ARHGEF19: variants seen among roughly 807,000 people sequenced by gnomAD.
ARHGEF19 encodes Rho guanine nucleotide exchange factor (GEF) 19.
ARHGEF19 carries 92 observed loss-of-function variants against 87.6 expected under a neutral mutation model. The ratio of observed to expected loss-of-function variants is 1.05; its 90% CI spans 0.89 to 1.25. ARHGEF19 has a LOEUF of 1.25. ARHGEF19 is among the 50% of genes most tolerant of loss of function. The probability of loss-of-function intolerance (pLI) is 0.00; values close to 1 mark genes in which losing one functional copy is unlikely to be tolerated. For missense variants in ARHGEF19, 1,054 were observed against 1,051.8 expected (o/e 1.00, Z -0.03); for synonymous variants, 438 against 446.2 (o/e 0.98, Z 0.23).
Position 16,207,743 on chromosome 1 carries a change from C to A in ARHGEF19, c.729G>T (p.Glu243Asp). 1 of 1,614,004 alleles carries A rather than the reference C, an allele frequency of 6.2e-7. No individual in the cohort carries two copies. Among genetic ancestry groups the A allele is most frequent in the Non-Finnish European group, 8.5e-7 (1 of 1,180,024 alleles). The change falls in exon 4 of 16, where the codon GAG (glutamate) becomes GAT (aspartate). Residue 243 changes from glutamate to aspartate, a missense_variant. Transcript: ENST00000270747. The surrounding 1 kb of genome is among the most constrained non-coding windows in gnomAD (Gnocchi z 4.0). Reference protein sequence around the residue: ...KASGMEARSVEMSGDRVSRPA... With the variant: ...KASGMEARSVDMSGDRVSRPA... ...GCCGCGACACCCGGTCCCCGCTCATCTCTACACTTCGAGCCTCCATTCCAG... is the reference window on the plus strand; with the variant it reads ...GCCGCGACACCCGGTCCCCGCTCATATCTACACTTCGAGCCTCCATTCCAG...
chr1:16,203,812 C>T (rs1557539149), intron 12 of ARHGEF19, among the ~76,000 whole-genome samples: 1 of 152,186 alleles, frequency 6.6e-6, no homozygotes, highest in Non-Finnish European at 1.5e-5. Flanking sequence ...TTGATTCTCA[C>T]TCCACACCAG....
Position 16,206,413 on chromosome 1 carries a change from G to A in ARHGEF19, c.1138-73C>T. 1.3e-6 allele frequency: 2 copies of A among 1,504,392 alleles called. No homozygotes were observed. The highest frequency in any genetic ancestry group is 1.8e-6 in the Non-Finnish European group (2 of 1,104,806). The allele number at this position is 1,504,392 out of a possible 1,614,324, so 93.2% of individuals were successfully genotyped here. ...CGGAGGCCCTGGCCTCACATCCCCA[G>A]ACCCCAGGACGCCACACCTCGCGTC... On this transcript the variant is annotated intron_variant, in intron 6 of 15. Transcript: ENST00000270747. This position sits in a 1 kb window ranked among gnomAD's most constrained non-coding sequence, Gnocchi z 4.6.
chr1:16,207,893 A>ACCCCCCCC lies in ARHGEF19; in HGVS notation c.694+50_694+51insGGGGGGGG. The ACCCCCCCC allele has an allele frequency of 1.7e-5, 11 of 662,820 alleles. No individual in the cohort carries two copies. Among genetic ancestry groups the ACCCCCCCC allele is most frequent in the South Asian group, 2.3e-5 (1 of 43,972 alleles). 41.1% of individuals were successfully genotyped at this position (662,820 alleles called of 1,614,324 possible). On this transcript the variant is annotated intron_variant, in intron 3 of 15. Coordinates refer to ENST00000270747, the MANE Select transcript of ARHGEF19 (RefSeq NM_153213.5). The surrounding 1 kb of genome is among the most constrained non-coding windows in gnomAD (Gnocchi z 4.0). ...CGGTGAGTGGGCATCGCCCACCCCC[A>ACCCCCCCC]CCCCCACCCGGCATCTGGCTGCCCT... is the stretch of plus-strand genomic sequence containing the variant.
At position 16,202,479 on chromosome 1, in the gene ARHGEF19, A is replaced by G; in HGVS notation, c.2003T>C (p.Phe668Ser). Residue 668 changes from phenylalanine to serine, a missense_variant, in exon 13 of 16, where the codon TTC becomes TCC. Coordinates refer to ENST00000270747, the MANE Select transcript of ARHGEF19 (RefSeq NM_153213.5). ...LKLQGIPGHV[F>S]LLQLLHGQHM... ...CTGCCCGTGGAGGAGCTGGAGGAGGAACACGTGGCCGGGGATGCCCTGCAG... is the reference window on the plus strand; with the variant it reads ...CTGCCCGTGGAGGAGCTGGAGGAGGGACACGTGGCCGGGGATGCCCTGCAG... 1 of 1,614,180 alleles carries G rather than the reference A, an allele frequency of 6.2e-7. No homozygotes were observed. The highest frequency in any genetic ancestry group is 8.5e-7 in the Non-Finnish European group (1 of 1,180,038).
intron 12 of ARHGEF19, among the ~76,000 whole-genome samples, chr1:16,202,837 T>C (rs1338669687): frequency 6.6e-6 from 1 of 152,118 alleles, no homozygotes; most frequent in Non-Finnish European, 1.5e-5. Context: ...CCTTTCTCTC[T>C]CTCTTTTTTT....
chr1:16,206,908 C>T lies in ARHGEF19; in HGVS notation c.1137+40G>A, dbSNP rs1569712382. On this transcript the variant is annotated intron_variant, in intron 6 of 15. Coordinates refer to ENST00000270747, the MANE Select transcript of ARHGEF19 (RefSeq NM_153213.5). This position sits in a 1 kb window ranked among gnomAD's most constrained non-coding sequence, Gnocchi z 4.6. ...CTAAGTCCCCGGACCGCGTACTCCC[C>T]GGCCCGCCCCCGCCCCGCCGGGTCC... 3.5e-6 allele frequency: 5 copies of T among 1,425,428 alleles called. No individual in the cohort carries two copies. Among genetic ancestry groups the T allele is most frequent in the Non-Finnish European group, 3.6e-6 (4 of 1,099,374 alleles). The allele number at this position is 1,425,428 out of a possible 1,614,324, so 88.3% of individuals were successfully genotyped here. A position where few individuals can be genotyped will look rare whatever the true frequency, so the allele number is the denominator to read the frequency against.
rs977712213 is a variant in ARHGEF19, at chr1:16,206,874, C to G, written c.1137+74G>C. Reference sequence around the variant, plus strand: ...TGTGTGTCCCCCTCCCTCTATGGCCCGGTTCCCGCTAAGTCCCCGGACCGC... The same window carrying G: ...TGTGTGTCCCCCTCCCTCTATGGCCGGGTTCCCGCTAAGTCCCCGGACCGC... On this transcript the variant is annotated intron_variant, in intron 6 of 15. Coordinates refer to ENST00000270747, the MANE Select transcript of ARHGEF19 (RefSeq NM_153213.5). This position sits in a 1 kb window ranked among gnomAD's most constrained non-coding sequence, Gnocchi z 4.6. 45 of 1,380,972 alleles carry G rather than the reference C, an allele frequency of 3.3e-5. No homozygotes were observed. The East Asian group carries it at 1.2e-3, about 36-fold the overall frequency. The allele number at this position is 1,380,972 out of a possible 1,614,324, so 85.5% of individuals were successfully genotyped here. A position where few individuals can be genotyped will look rare whatever the true frequency, so the allele number is the denominator to read the frequency against.
chr1:16,200,001 T>C (rs2100261207), intron 14 of ARHGEF19, among the ~76,000 whole-genome samples: 1 of 152,322 alleles, frequency 6.6e-6, no homozygotes, highest in Non-Finnish European at 1.5e-5. Flanking sequence ...CCAGATCTTT[T>C]CGTGACAACC....
chr1:16,206,305 G>A lies in ARHGEF19; in HGVS notation c.1173C>T (p.Tyr391=), dbSNP rs746193609. The A allele has an allele frequency of 1.3e-6, 2 of 1,583,074 alleles. No homozygotes were observed. The highest frequency in any genetic ancestry group is 4.6e-5 in the East Asian group (2 of 43,916). The change falls in exon 7 of 16, where the codon TAC becomes TAT. Residue 391 remains tyrosine (Y), a synonymous_variant. Transcript: ENST00000270747. The surrounding 1 kb of genome is among the most constrained non-coding windows in gnomAD (Gnocchi z 4.6). ...KFELITSEAS[Y]IHSLSVAVGH... ...CCACAGCCACCGACAGGCTGTGGAT[G>A]TAGGAGGCCTCGGAGGTGATCAGCT...
rs2100275089 is a variant in ARHGEF19, at chr1:16,205,419, G to A, written c.1588C>T (p.Leu530=). The part of the protein sequence containing the change: ...TRLKMLVENI[L]KRTAQGSEDE... ...TCAGAGCCCTGTGCTGTCCGCTTCA[G>A]GATGTTCTGGAAGGTGGGATCAGCA... The change falls in exon 10 of 16, where the codon CTG becomes TTG. Residue 530 remains leucine (L), a synonymous_variant. Transcript: ENST00000270747. This position sits in a 1 kb window ranked among gnomAD's most constrained non-coding sequence, Gnocchi z 5.8. 6.2e-7 allele frequency: 1 copy of A among 1,611,042 alleles called. No individual in the cohort carries two copies. The highest frequency in any genetic ancestry group is 8.5e-7 in the Non-Finnish European group (1 of 1,178,502).
Position 16,204,802 on chromosome 1 carries a change from G to A in ARHGEF19, c.1864C>T (p.Leu622Phe), listed in dbSNP as rs768101624. ...AGCAAGCAGTCATTGAAGAGGTGGA[G>A]GTAGACTGCCTTGCTGGACAGCTTC... ...KLKLSSKAVY[L>F]HLFNDCLLLS... Residue 622 changes from leucine (L) to phenylalanine (F), a missense_variant, in exon 12 of 16, where the codon CTC (leucine) becomes TTC (phenylalanine). Transcript: ENST00000270747. 1.9e-6 allele frequency: 3 copies of A among 1,613,270 alleles called. No homozygotes were observed. The highest frequency in any genetic ancestry group is 2.5e-6 in the Non-Finnish European group (3 of 1,179,488).
At position 16,205,116 on chromosome 1, in the gene ARHGEF19, G is replaced by A. The variant is rs1346072822; in HGVS notation, c.1717C>T (p.Leu573=). The A allele has an allele frequency of 1.2e-6, 2 of 1,606,264 alleles. No individual in the cohort carries two copies. The highest frequency in any genetic ancestry group is 1.3e-5 in the African/African-American group (1 of 74,818). ...SMKRTEELIH[L]SKKIHFEGKI... ...CCCTCAAAGTGGATCTTCTTGCTCA[G>A]GTGGATGAGTTCCTCTGTCCTCTTC... The change falls in exon 11 of 16, where the codon CTG becomes TTG. Residue 573 remains leucine (L), a synonymous_variant. Coordinates refer to ENST00000270747, the MANE Select transcript of ARHGEF19 (RefSeq NM_153213.5). The surrounding 1 kb of genome is among the most constrained non-coding windows in gnomAD (Gnocchi z 5.8).
At chr1:16,209,186 A>G (rs2081175545) in intron 1 of ARHGEF19, 103 bp from the exon 2 acceptor site, 1 of 729,648 alleles carries the variant, frequency 1.4e-6, no homozygotes, top group South Asian at 3.8e-5. Context: ...ACTTGTGTAC[A>G]CACATCTCCA....
chr1:16,198,643 G>A lies in ARHGEF19; in HGVS notation c.2353C>T (p.Arg785Trp), dbSNP rs757658793. The A allele has an allele frequency of 1.4e-5, 22 of 1,613,560 alleles. No individual in the cohort carries two copies. The highest frequency in any genetic ancestry group is 1.6e-4 in the Middle Eastern group (1 of 6,076). The change falls in exon 16 of 16, where the codon CGG becomes TGG. Residue 785 changes from arginine to tryptophan, a missense_variant. By Grantham distance (101) the Arg-to-Trp change is moderately radical. Coordinates refer to ENST00000270747, the MANE Select transcript of ARHGEF19 (RefSeq NM_153213.5). The surrounding 1 kb of genome is among the most constrained non-coding windows in gnomAD (Gnocchi z 4.1). ...GCACTTGTGACTCGCTTATTCTCCC[G>A]GAGGTTTCGGAGGCGGGCGCTGAGG... ...SSLSARLRNL[R>W]ENKRVTSATS...
chr1:16,198,573 G>A lies in ARHGEF19; in HGVS notation c.*14C>T. On this transcript the variant is annotated 3_prime_UTR_variant, in exon 16 of 16. Transcript: ENST00000270747. This position sits in a 1 kb window ranked among gnomAD's most constrained non-coding sequence, Gnocchi z 4.1. ...GCCAGGCATGGAGGTGGGGTCCTAG[G>A]CCATGGCTGCCCATCACACAGGAGC... The A allele has an allele frequency of 2.5e-6, 4 of 1,596,806 alleles. No homozygotes were observed. Among genetic ancestry groups the A allele is most frequent in the Non-Finnish European group, 3.4e-6 (4 of 1,170,628 alleles).
intron 14 of ARHGEF19, among the ~76,000 whole-genome samples, chr1:16,201,231 CCAAA>C (rs2081081135): frequency 6.6e-6 from 1 of 152,126 alleles, no homozygotes; most frequent in Non-Finnish European, 1.5e-5. Context: ...CAAAAAAACC[CCAAA>C]CAAACCTTCA....
intron 14 of ARHGEF19, among the ~76,000 whole-genome samples, chr1:16,200,053 C>T (rs2100261368): frequency 2.0e-5 from 3 of 152,330 alleles, no homozygotes; most frequent in Admixed American, 2.0e-4. Flanking sequence ...TGCCAGGGAC[C>T]TCCCCTGACC....
chr1:16,212,039 C>T lies in ARHGEF19; in HGVS notation c.-30+463G>A, dbSNP rs148496815. 5.1e-3 allele frequency among the ~76,000 whole-genome samples: 766 copies of T among 151,212 alleles called. 4 individuals carry two copies. The highest frequency in any genetic ancestry group is 0.017 in the South Asian group (83 of 4,820). ...AGTGGCTCCTAAGGGACCGCACCAC[C>T]GCCCAATGCCCTCTCTAAGAAACAT... On this transcript the variant is annotated intron_variant, in intron 1 of 15. Coordinates refer to ENST00000270747, the MANE Select transcript of ARHGEF19 (RefSeq NM_153213.5).
At chr1:16,211,783 A>T (rs2081198679) in intron 1 of ARHGEF19, among the ~76,000 whole-genome samples, 1 of 152,226 alleles carries the variant, frequency 6.6e-6, no homozygotes, top group African/African-American at 2.4e-5. Context: ...TCTGTTAGAA[A>T]AAAACAAACA....
Sources: gnomAD v4.1 joint callset for allele counts (sites outside exome capture counted in the v4.1 genomes callset) on GRCh38, gnomAD v4.1.1 for gene constraint, Gnocchi (gnomAD v3.1) non-coding constraint, MANE v1.5 for transcripts, NCBI Gene and HGNC (gene_info 2026-07-23, HGNC 2026-07-21) for gene names.